The following RIF1 variants were observed in gnomAD, a reference collection of about 807,000 sequenced individuals.
RIF1 encodes the protein replication timing regulatory factor 1, also known as telomere-associated protein RIF1.
In RIF1, 45 loss-of-function variants were observed where a neutral mutation model predicts 247.1. The observed-to-expected ratio is 0.18, with a 90% CI of 0.14 to 0.23. The LOEUF is 0.23. RIF1 is among the 10% of genes least tolerant of loss of function. The pLI, the probability that RIF1 is intolerant of heterozygous loss-of-function variation, is 1.00. For synonymous variants in RIF1, 1,087 were observed against 978.8 expected, an observed-to-expected ratio of 1.11 and a Z score of -2.06; for missense variants, 2,967 against 2,862.5, an observed-to-expected ratio of 1.04 and a Z score of -0.83.
At chr2:151,512,786 C>G, downstream of RIF1, 2 of 1,613,868 alleles carry the variant, frequency 1.2e-6, no homozygotes, top group Non-Finnish European at 1.7e-6. Flanking sequence ...GGAGTATCAA[C>G]CACAGAAGTG....
Position 151,468,568 on chromosome 2 carries a change from TTTTC to T in RIF1, c.6825+18_6825+21del. ...AAGTGTTTAGTAAGAAGTGCTTTAG[TTTTC>T]ATGTCACTTTATATTTTCATGTTCA... On this transcript the variant is annotated intron_variant, in intron 32 of 35. Transcript: ENST00000444746. The T allele has an allele frequency of 6.2e-7, 1 of 1,607,636 alleles. No individual in the cohort carries two copies. Among genetic ancestry groups the T allele is most frequent in the Non-Finnish European group, 8.5e-7 (1 of 1,174,092 alleles).
At chr2:151,486,523 C>G (rs2152654928), downstream of RIF1, 1 of 152,796 alleles carries the variant, frequency 6.5e-6, no homozygotes, top group Middle Eastern at 3.4e-3. Context: ...AGAATGAAGA[C>G]ATAGGTCTGC....
At position 151,475,357 on chromosome 2, in the gene RIF1, CATTTT is replaced by C; in HGVS notation, c.*291_*295del. On this transcript the variant is annotated 3_prime_UTR_variant, in exon 36 of 36. Coordinates refer to ENST00000444746, the MANE Select transcript of RIF1 (RefSeq NM_018151.5). ...AAAGCAAAACTAGTAACAGAACTTA[CATTTT>C]ATTTCATGCTTTCTTAAACCCGTGC... The C allele has an allele frequency of 5.8e-6, 2 of 341,990 alleles. No individual in the cohort carries two copies. The highest frequency in any genetic ancestry group is 7.4e-5 in the East Asian group (1 of 13,450). 21.2% of individuals were successfully genotyped at this position (341,990 alleles called of 1,614,324 possible). A position where few individuals can be genotyped will look rare whatever the true frequency, so the allele number is the denominator to read the frequency against.
At chr2:151,427,742 CAGCATGGCA>C (rs1221995235) in intron 8 of RIF1, among the ~76,000 whole-genome samples, 4 of 148,530 alleles carry the variant, frequency 2.7e-5, no homozygotes, top group African/African-American at 1.0e-4. Flanking sequence ...CCAGCATGGC[CAGCATGGCA>C]AAACCTTGTC....
At chr2:151,501,269 T>TTGA in intron 11 of RIF1, 1 of 623,768 alleles carries the variant, frequency 1.6e-6, no homozygotes, top group Non-Finnish European at 2.8e-6. Flanking sequence ...AAGGATTCAG[T>TTGA]TGATGTGATT....
the RIF1 span, chr2:151,531,147 G>A: frequency 8.1e-7 from 1 of 1,231,508 alleles, no homozygotes; most frequent in African/African-American, 1.5e-5. Context: ...GCTTCTCAAT[G>A]TATAATATCA....
chr2:151,468,667 A>G lies in RIF1; in HGVS notation c.6852A>G (p.Ile2284Met), dbSNP rs1697334760. 1 of 1,614,038 alleles carries G rather than the reference A, an allele frequency of 6.2e-7. No individual in the cohort carries two copies. The highest frequency in any genetic ancestry group is 1.1e-5 in the South Asian group (1 of 91,084). ...CLISEMAKES[I>M]PCPTESVYPP... The stretch of plus-strand genomic sequence containing the variant: ...TTTCAGAAATGGCCAAAGAATCCAT[A>G]CCATGCCCAACAGAAAGTGTTTACC... Residue 2284 changes from isoleucine to methionine, a missense_variant, in exon 33 of 36, where the codon ATA becomes ATG. Physicochemically the swap from Ile to Met is conservative, Grantham distance 10 (BLOSUM62 1). Around this residue, in one of 7 missense-constraint regions of RIF1, gnomAD observed 2,028 missense variants for 1,825.6 expected, o/e 1.11. Transcript: ENST00000444746.
At chr2:151,420,082 TA>T in intron 6 of RIF1, 107 bp from the exon 7 acceptor site, 1 of 887,174 alleles carries the variant, frequency 1.1e-6, no homozygotes, top group Non-Finnish European at 1.7e-6. Flanking sequence ...GTATATATTC[TA>T]AAACAAATGG....
chr2:151,443,969 T>TG (rs2152395240), intron 18 of RIF1, among the ~76,000 whole-genome samples: 1 of 152,332 alleles, frequency 6.6e-6, no homozygotes, highest in South Asian at 2.1e-4. Flanking sequence ...AGATGTAAAT[T>TG]CTTGTATCTT....
In RIF1 at chr2:151,461,202, C is replaced by T. The variant is rs772055230; in HGVS notation, c.3140C>T (p.Thr1047Ile). ...ATTCTTTTGGAAGAGGAAAAGTCTACTGACTTTGTGTTTATACCTCCAGAA... is the reference window on the plus strand; with the variant it reads ...ATTCTTTTGGAAGAGGAAAAGTCTATTGACTTTGTGTTTATACCTCCAGAA... ...GEILLEEEKS[T>I]DFVFIPPEGK... Residue 1047 changes from threonine (T) to isoleucine (I), a missense_variant, in exon 27 of 36, where the codon ACT (threonine) becomes ATT (isoleucine). This residue lies in a region of RIF1 where 2,028 missense variants were observed against 1,825.6 expected (regional missense o/e 1.11). Transcript: ENST00000444746. The T allele has an allele frequency of 6.2e-7, 1 of 1,611,474 alleles. No homozygotes were observed. The highest frequency in any genetic ancestry group is 1.1e-5 in the South Asian group (1 of 90,940).
At chr2:151,505,004 A>G (rs2067663634) in intron 12 of RIF1, among the ~76,000 whole-genome samples, 1 of 152,178 alleles carries the variant, frequency 6.6e-6, no homozygotes, top group African/African-American at 2.4e-5. Flanking sequence ...ATGTCTACCC[A>G]GGGTCTTTTT....
Position 151,474,890 on chromosome 2 carries a change from T to C in RIF1, c.7238T>C (p.Leu2413Ser). The C allele has an allele frequency of 6.3e-7, 1 of 1,594,364 alleles. No individual in the cohort carries two copies. The highest frequency in any genetic ancestry group is 8.6e-7 in the Non-Finnish European group (1 of 1,162,730). ...IIDPVALEIP[L>S]SKNLLAQISA... ...GATCCTGTTGCTTTAGAAATTCCAT[T>C]ATCCAAAAACCTTCTGGCACAGATT... The change falls in exon 36 of 36, where the codon TTA becomes TCA. Residue 2413 changes from leucine to serine, a missense_variant. By Grantham distance (145) the Leu-to-Ser change is moderately radical (BLOSUM62 -2). Coordinates refer to ENST00000444746, the MANE Select transcript of RIF1 (RefSeq NM_018151.5).
At chr2:151,526,389 C>A in the RIF1 span, 1 of 708,610 alleles carries the variant, frequency 1.4e-6, no homozygotes, top group South Asian at 1.7e-5. Flanking sequence ...GTGATACTTG[C>A]AAATTTTGGG....
intron 21 of RIF1, among the ~76,000 whole-genome samples, chr2:151,452,378 A>T (rs1694463436): frequency 6.6e-6 from 1 of 152,228 alleles, no homozygotes. Flanking sequence ...ATAGGTAGTG[A>T]TAATCTGTCA....
intron 10 of RIF1, chr2:151,498,157 G>C: frequency 6.5e-7 from 1 of 1,536,488 alleles, no homozygotes; most frequent in South Asian, 1.2e-5. Flanking sequence ...AGATGTATTA[G>C]AAGCAAAGAA....
At chr2:151,486,448 T>G, downstream of RIF1, 1 of 158,286 alleles carries the variant, frequency 6.3e-6, no homozygotes, top group Non-Finnish European at 1.4e-5. Context: ...TTGGCAGTTA[T>G]CACATGTTAA....
chr2:151,419,254 G>A (rs1687755301), intron 6 of RIF1, among the ~76,000 whole-genome samples: 1 of 151,846 alleles, frequency 6.6e-6, no homozygotes, highest in Non-Finnish European at 1.5e-5. Flanking sequence ...TAGTGTAGGA[G>A]TAAACTCTAA....
the RIF1 span, among the ~76,000 whole-genome samples, chr2:151,525,557 A>G: frequency 6.6e-6 from 1 of 152,224 alleles, no homozygotes; most frequent in African/African-American, 2.4e-5. Flanking sequence ...GGACTCATAT[A>G]ATACCAAGGT....
At position 151,420,183 on chromosome 2, in the gene RIF1, A is replaced by G. The variant is rs924655716; in HGVS notation, c.504-7A>G. ...ACGCTAATTATTCATTGATTTCTCT[A>G]TTATAGGCTAATTGAACAAGCCCCA... On this transcript the variant is annotated splice_polypyrimidine_tract_variant and splice_region_variant and intron_variant, in intron 6 of 35. Transcript: ENST00000444746. 2.5e-6 allele frequency: 4 copies of G among 1,611,474 alleles called. No individual in the cohort carries two copies. The highest frequency in any genetic ancestry group is 3.3e-5 in the Admixed American group (2 of 59,884).
Sources: gnomAD v4.1 joint callset for allele counts (sites outside exome capture counted in the v4.1 genomes callset) on GRCh38, gnomAD v4.1.1 for gene constraint, gnomAD v4.1.1 regional missense constraint, MANE v1.5 for transcripts, NCBI Gene and HGNC (gene_info 2026-07-23, HGNC 2026-07-21) for gene names.